ASPG: variants seen among roughly 807,000 people sequenced by gnomAD.
The protein encoded by ASPG is asparaginase, also known as 60 kDa lysophospholipase.
ASPG carries 53 observed loss-of-function variants against 63.2 expected under a neutral mutation model. The ratio of observed to expected loss-of-function variants is 0.84; its 90% CI spans 0.67 to 1.05. The LOEUF is 1.05. Among genes scored for constraint, ASPG ranks in the 50% least tolerant of loss-of-function variants. The pLI is 0.00. For missense variants in ASPG, 741 were observed against 794.4 expected (o/e 0.93, Z 0.81); for synonymous variants, 370 against 355.0 (o/e 1.04, Z -0.48).
intron 11 of ASPG, 108 bp from the exon 12 acceptor site, chr14:104,107,074 G>T (rs45568635): frequency 9.5e-5 from 133 of 1,405,638 alleles, no homozygotes; most frequent in Non-Finnish European, 1.2e-4. Context: ...GAGGGTGGGC[G>T]CAGGGGCTGT....
At chr14:104,099,581 C>T (rs1039185934) in intron 6 of ASPG, among the ~76,000 whole-genome samples, 3 of 152,138 alleles carry the variant, frequency 2.0e-5, no homozygotes, top group Admixed American at 1.3e-4. Flanking sequence ...CCTGGCCTAC[C>T]GTCGCTCCGT....
Position 104,108,649 on chromosome 14 carries a change from G to A in ASPG, c.1434-580G>A, listed in dbSNP as rs551625496. 3.7e-4 allele frequency: 369 copies of A among 985,412 alleles called. 2 individuals carry two copies. The highest frequency in any genetic ancestry group is 1.8e-4 in the Non-Finnish European group (149 of 829,906). 61.0% of individuals were successfully genotyped at this position (985,412 alleles called of 1,614,324 possible). On this transcript the variant is annotated intron_variant, in intron 12 of 15. Coordinates refer to ENST00000551177, the MANE Select transcript of ASPG (RefSeq NM_001080464.3). ...AATGGGCTGTGTGGCCTCCGGCCTCGGGCCTTTGTGCCTCTGCTCCTCCTT... is the reference window on the plus strand; with the variant it reads ...AATGGGCTGTGTGGCCTCCGGCCTCAGGCCTTTGTGCCTCTGCTCCTCCTT...
Position 104,088,887 on chromosome 14 carries a change from G to C in ASPG, c.82+3035G>C, listed in dbSNP as rs182074487. Among the ~76,000 whole-genome samples the C allele has an allele frequency of 1.8e-4, 28 of 152,320 alleles. No homozygotes were observed. In the East Asian group the frequency reaches 5.2e-3, roughly 28 times the overall value. Reference sequence around the variant, plus strand: ...TCAGGCACCTGCCTGGATGGGCCAAGGAAGAGGTTCCAGGCAGGGCTGGAG... The same window carrying C: ...TCAGGCACCTGCCTGGATGGGCCAACGAAGAGGTTCCAGGCAGGGCTGGAG... On this transcript the variant is annotated intron_variant, in intron 1 of 15. Transcript: ENST00000551177.
chr14:104,094,122 A>C (rs1241444532), intron 3 of ASPG, among the ~76,000 whole-genome samples: 1 of 151,952 alleles, frequency 6.6e-6, no homozygotes, highest in Non-Finnish European at 1.5e-5. Context: ...GCTGCGGGCA[A>C]GGCTCTGAGT....
chr14:104,108,774 C>T (rs1016960762), intron 12 of ASPG: 31 of 985,408 alleles, frequency 3.1e-5, no homozygotes, highest in Admixed American at 1.2e-4. Context: ...GTGTCCCCTG[C>T]GCCTGGCTGA....
intron 6 of ASPG, among the ~76,000 whole-genome samples, chr14:104,101,335 G>A (rs558057758): frequency 9.2e-5 from 14 of 152,306 alleles, no homozygotes; most frequent in East Asian, 1.9e-4. Context: ...GCCTGGGCCC[G>A]GGTGCCAGCT....
intron 2 of ASPG, 148 bp downstream of exon 2, chr14:104,092,889 A>T (rs2140983923): frequency 1.5e-6 from 1 of 664,656 alleles, no homozygotes; most frequent in Non-Finnish European, 2.5e-6. Flanking sequence ...TTTAGGACTG[A>T]CCAGCAGTCG....
intron 6 of ASPG, among the ~76,000 whole-genome samples, chr14:104,102,328 C>T (rs1041123205): frequency 2.0e-5 from 3 of 152,114 alleles, no homozygotes; most frequent in African/African-American, 7.2e-5. Context: ...CTCCACCATG[C>T]CAGGAAAGTC....
intron 7 of ASPG, 77 bp downstream of exon 7, chr14:104,103,752 C>A: frequency 7.7e-7 from 1 of 1,304,134 alleles, no homozygotes; most frequent in Non-Finnish European, 1.1e-6. Flanking sequence ...CCTCAGGCTC[C>A]CTGGGGCCCT....
chr14:104,095,416 C>T (rs1047981395), intron 3 of ASPG, 115 bp from the exon 4 acceptor site: 26 of 1,447,758 alleles, frequency 1.8e-5, no homozygotes, highest in Admixed American at 1.7e-4. Flanking sequence ...CAGGGTCCCA[C>T]GGGTGCCTCC....
At chr14:104,098,804 C>A in intron 5 of ASPG, 49 bp from the exon 6 acceptor site, 1 of 1,595,862 alleles carries the variant, frequency 6.3e-7, no homozygotes, top group South Asian at 1.1e-5. Context: ...GCAGATGGGT[C>A]GGGGACAGGG....
rs2036747144 is a variant in ASPG at position 104,098,904 on chromosome 14, G to A, written c.565G>A (p.Val189Ile). The change falls in exon 6 of 16, where the codon GTA becomes ATA. Residue 189 changes from valine to isoleucine, a missense_variant. Physicochemically the swap from Val to Ile is conservative, Grantham distance 29. Coordinates refer to ENST00000551177, the MANE Select transcript of ASPG (RefSeq NM_001080464.3). ...QLFRGNRATK[V>I]DARRFAAFCS... ...GTTTCGGGGCAACCGGGCAACCAAG[G>A]TAGACGCTCGGAGGTTCGCAGCTTT... The A allele has an allele frequency of 6.2e-7, 1 of 1,612,170 alleles. No homozygotes were observed. The highest frequency in any genetic ancestry group is 8.5e-7 in the Non-Finnish European group (1 of 1,179,564).
intron 3 of ASPG, among the ~76,000 whole-genome samples, chr14:104,095,258 C>T (rs2036544708): frequency 6.6e-6 from 1 of 152,194 alleles, no homozygotes; most frequent in Admixed American, 6.5e-5. Context: ...TGCAGAGGCC[C>T]CTTGGAGGGA....
At position 104,110,518 on chromosome 14, in the gene ASPG, C is replaced by A; in HGVS notation, c.1521-984C>A. Reference sequence around the variant, plus strand: ...CTCTGCTTGGAAGTGGCCTGGCCAGCCTGAGCTGCTGGCTGGACTTGAGCC... The same window carrying A: ...CTCTGCTTGGAAGTGGCCTGGCCAGACTGAGCTGCTGGCTGGACTTGAGCC... On this transcript the variant is annotated intron_variant, in intron 13 of 15. Coordinates refer to ENST00000551177, the MANE Select transcript of ASPG (RefSeq NM_001080464.3). The surrounding 1 kb of genome is among the most constrained non-coding windows in gnomAD (Gnocchi z 4.7). 8.1e-6 allele frequency: 8 copies of A among 985,344 alleles called. No homozygotes were observed. Among genetic ancestry groups the A allele is most frequent in the Non-Finnish European group, 8.4e-6 (7 of 829,884 alleles). The allele number at this position is 985,344 out of a possible 1,614,324, so 61.0% of individuals were successfully genotyped here.
chr14:104,113,957 GGGGCATCT>G lies in ASPG; in HGVS notation c.*1416_*1423del, dbSNP rs1292368343. 6.6e-6 allele frequency: 1 copy of G among 152,310 alleles called. No homozygotes were observed. Among genetic ancestry groups the G allele is most frequent in the Non-Finnish European group, 1.5e-5 (1 of 68,100 alleles). 9.4% of individuals were successfully genotyped at this position (152,310 alleles called of 1,614,324 possible). Reference sequence around the variant, plus strand: ...CTTGGAGGGCCTTGGGAGAGGCGGTGGGGCATCTGGACAAATGCCTGGTGCAGGTGAGA... The same window carrying G: ...CTTGGAGGGCCTTGGGAGAGGCGGTGGGACAAATGCCTGGTGCAGGTGAGA... On this transcript the variant is annotated 3_prime_UTR_variant, in exon 16 of 16. Transcript: ENST00000551177.
intron 10 of ASPG, among the ~76,000 whole-genome samples, chr14:104,105,985 G>A (rs1225394102): frequency 1.3e-5 from 2 of 152,270 alleles, no homozygotes; most frequent in Non-Finnish European, 2.9e-5. Context: ...GCCTGACATG[G>A]GGCCTGGCAG....
Position 104,093,119 on chromosome 14 carries a change from C to G in ASPG, c.192-372C>G, listed in dbSNP as rs1037072088. ...CTCTGGGCCCAGCTCCCTGATGTCC[C>G]CCACAGCTGGGGGTGAGCTGGGAGT... is the stretch of plus-strand genomic sequence containing the variant. On this transcript the variant is annotated intron_variant, in intron 2 of 15. Transcript: ENST00000551177. 6 of 481,170 alleles carry G rather than the reference C, an allele frequency of 1.2e-5. 1 individual carries two copies. The South Asian group carries it at 1.4e-4, about 11-fold the overall frequency. The allele number at this position is 481,170 out of a possible 1,614,324, so 29.8% of individuals were successfully genotyped here.
At chr14:104,108,952 G>T (rs900375214) in intron 12 of ASPG, 1 of 985,394 alleles carries the variant, frequency 1.0e-6, no homozygotes, top group Non-Finnish European at 1.2e-6. Flanking sequence ...GGTGCTGGGT[G>T]CGGGGCTGCC....
rs530736299 is a variant in ASPG at position 104,087,658 on chromosome 14, G to A, written c.82+1806G>A. Reference sequence around the variant, plus strand: ...GACTCTGTGTGGGGCCTCGTCCGACGCCCCTGACGCTACCCCTTCAGGCTT... The same window carrying A: ...GACTCTGTGTGGGGCCTCGTCCGACACCCCTGACGCTACCCCTTCAGGCTT... On this transcript the variant is annotated intron_variant, in intron 1 of 15. Transcript: ENST00000551177. Among the ~76,000 whole-genome samples, 543 of 152,304 alleles carry A rather than the reference G, an allele frequency of 3.6e-3. 2 individuals carry two copies. Among genetic ancestry groups the A allele is most frequent in the Middle Eastern group, 0.014 (4 of 294 alleles).
Sources: gnomAD v4.1 joint callset for allele counts (sites outside exome capture counted in the v4.1 genomes callset) on GRCh38, gnomAD v4.1.1 for gene constraint, Gnocchi (gnomAD v3.1) non-coding constraint, MANE v1.5 for transcripts, NCBI Gene and HGNC (gene_info 2026-07-23, HGNC 2026-07-21) for gene names.